TCEA1: variants seen among roughly 807,000 people sequenced by gnomAD.
TCEA1 encodes the protein transcription elongation factor A1.
In TCEA1, 21 loss-of-function variants were observed where a neutral mutation model predicts 43.8. The observed-to-expected ratio is 0.48, with a 90% confidence interval of 0.34 to 0.69. The LOEUF (loss-of-function observed/expected upper bound fraction) is 0.69, where lower values mean the gene tolerates loss of function less well. Among genes scored for constraint, TCEA1 ranks in the 30% least tolerant of loss-of-function variants. The pLI, the probability that TCEA1 is intolerant of heterozygous loss-of-function variation, is 0.01. For missense variants in TCEA1, 250 were observed against 365.1 expected, an observed-to-expected ratio of 0.68 and a Z score of 2.57; for synonymous variants, 104 against 117.5, an observed-to-expected ratio of 0.88 and a Z score of 0.75.
chr8:53,986,464 T>C (rs1003293741), intron 6 of TCEA1, among the ~76,000 whole-genome samples: 5 of 152,240 alleles, frequency 3.3e-5, no homozygotes, highest in Admixed American at 2.6e-4. Context: ...TGGACACTCA[T>C]GTTTTGCTAG....
intron 4 of TCEA1, chr8:53,993,460 C>A (rs1378975436): frequency 2.1e-5 from 9 of 424,194 alleles, no homozygotes; most frequent in Non-Finnish European, 3.7e-5. Context: ...TAAATAACTT[C>A]TTATTTATTC....
intron 8 of TCEA1, among the ~76,000 whole-genome samples, chr8:53,977,784 C>T (rs184143562): frequency 2.1e-4 from 32 of 152,182 alleles, no homozygotes; most frequent in East Asian, 1.4e-3. Flanking sequence ...AATAAAAAGG[C>T]TAGTCATATC....
chr8:53,989,940 T>A (rs1194281397), intron 4 of TCEA1, among the ~76,000 whole-genome samples: 1 of 152,102 alleles, frequency 6.6e-6, no homozygotes, highest in Non-Finnish European at 1.5e-5. Flanking sequence ...CAGTTAATTT[T>A]AAAAATATTT....
chr8:54,005,410 C>T (rs1158616548), intron 2 of TCEA1, among the ~76,000 whole-genome samples: 2 of 152,166 alleles, frequency 1.3e-5, no homozygotes, highest in African/African-American at 2.4e-5. Context: ...GGAGGACATA[C>T]TCAACTACCT....
At chr8:54,003,274 T>TTAAGC (rs1434731020) in intron 2 of TCEA1, among the ~76,000 whole-genome samples, 1 of 152,230 alleles carries the variant, frequency 6.6e-6, no homozygotes, top group Non-Finnish European at 1.5e-5. Context: ...GACTTAAATG[T>TTAAGC]TAAGACTGCA....
At chr8:54,014,399 CA>C (rs1408808223) in intron 1 of TCEA1, among the ~76,000 whole-genome samples, 2 of 152,032 alleles carry the variant, frequency 1.3e-5, no homozygotes, top group Non-Finnish European at 2.9e-5. Context: ...CACTTGAGCC[CA>C]GGGGTTCGAG....
At chr8:53,982,333 C>T (rs548850697) in intron 7 of TCEA1, among the ~76,000 whole-genome samples, 42 of 152,204 alleles carry the variant, frequency 2.8e-4, no homozygotes, top group African/African-American at 9.6e-4. Flanking sequence ...AGGGGCCAGG[C>T]ACGGTGGCTC....
intron 4 of TCEA1, among the ~76,000 whole-genome samples, chr8:53,992,874 T>C (rs892475824): frequency 6.6e-6 from 1 of 151,916 alleles, no homozygotes; most frequent in Non-Finnish European, 1.5e-5. Context: ...AAAGAACACA[T>C]GCAAAGGCCT....
At chr8:54,002,723 C>T (rs767737299) in intron 2 of TCEA1, among the ~76,000 whole-genome samples, 3 of 152,154 alleles carry the variant, frequency 2.0e-5, no homozygotes, top group African/African-American at 4.8e-5. Context: ...CGAAAGTATT[C>T]TGTGCTCAAG....
chr8:53,994,586 C>T (rs528767962), intron 3 of TCEA1, among the ~76,000 whole-genome samples: 2 of 151,888 alleles, frequency 1.3e-5, no homozygotes, highest in African/African-American at 2.4e-5. Context: ...CTTAAAGAGG[C>T]GGCCAGGCAC....
chr8:54,018,199 G>A lies in TCEA1; in HGVS notation c.63+3864C>T, dbSNP rs765983162. On this transcript the variant is annotated intron_variant, in intron 1 of 9. Coordinates refer to ENST00000521604, the MANE Select transcript of TCEA1 (RefSeq NM_006756.4). ...ATATTTCAGGTATCCCAGCTCCTACGAAATTCTAACATCTAATTTCAATTT... is the reference window on the plus strand; with the variant it reads ...ATATTTCAGGTATCCCAGCTCCTACAAAATTCTAACATCTAATTTCAATTT... 5.3e-5 allele frequency among the ~76,000 whole-genome samples: 8 copies of A among 152,180 alleles called. No individual in the cohort carries two copies. In the East Asian group the frequency reaches 1.3e-3, roughly 26 times the overall value.
At position 53,998,956 on chromosome 8, in the gene TCEA1, A is replaced by C. The variant is rs191092263; in HGVS notation, c.232+989T>G. Among the ~76,000 whole-genome samples, 69 of 152,128 alleles carry C rather than the reference A, an allele frequency of 4.5e-4. 2 individuals are homozygous for C. In the South Asian group the frequency reaches 8.7e-3, roughly 19 times the overall value. On this transcript the variant is annotated intron_variant, in intron 3 of 9. Coordinates refer to ENST00000521604, the MANE Select transcript of TCEA1 (RefSeq NM_006756.4). ...AAAACTAGCTATGTGAGGCCAGGCG[A>C]GGTGGCTCACGCCTGTAATCCCAGC...
intron 1 of TCEA1, among the ~76,000 whole-genome samples, chr8:54,019,070 A>G (rs1022288662): frequency 2.0e-5 from 3 of 152,228 alleles, no homozygotes; most frequent in African/African-American, 4.8e-5. Flanking sequence ...TAAATGGGAT[A>G]AGGTGGGTAA....
chr8:54,014,407 C>G (rs534267794), intron 1 of TCEA1, among the ~76,000 whole-genome samples: 1 of 151,866 alleles, frequency 6.6e-6, no homozygotes, highest in Non-Finnish European at 1.5e-5. Flanking sequence ...CCCAGGGGTT[C>G]GAGACCAGCC....
At chr8:53,973,151 A>C (rs771020350) in intron 8 of TCEA1, 9 of 551,836 alleles carry the variant, frequency 1.6e-5, no homozygotes, top group Non-Finnish European at 3.0e-5. Flanking sequence ...ATGTAGAAGA[A>C]GATGGGAAAA....
At chr8:54,015,557 T>C (rs1408837123) in intron 1 of TCEA1, among the ~76,000 whole-genome samples, 2 of 152,178 alleles carry the variant, frequency 1.3e-5, no homozygotes, top group African/African-American at 4.8e-5. Flanking sequence ...GATATTACTA[T>C]GTCATCTCAA....
intron 1 of TCEA1, among the ~76,000 whole-genome samples, chr8:54,019,098 T>C (rs1367617909): frequency 6.6e-6 from 1 of 152,214 alleles, no homozygotes; most frequent in Non-Finnish European, 1.5e-5. Flanking sequence ...GCAGAATACC[T>C]GGCTCAGAGT....
intron 2 of TCEA1, 55 bp from the exon 3 acceptor site, chr8:54,000,105 G>T: frequency 9.8e-7 from 1 of 1,017,434 alleles, no homozygotes; most frequent in Non-Finnish European, 1.4e-6. Context: ...AAACAAATTA[G>T]TATTTCACCT....
chr8:53,988,969 T>C (rs1253466324), intron 4 of TCEA1, among the ~76,000 whole-genome samples: 1 of 151,670 alleles, frequency 6.6e-6, no homozygotes, highest in Non-Finnish European at 1.5e-5. Context: ...CTTGGGAGGC[T>C]GAGGCAGGAA....
Sources: allele counts gnomAD v4.1 joint callset (sites outside exome capture counted in the v4.1 genomes callset), GRCh38; gene constraint gnomAD v4.1.1; transcripts MANE v1.5; gene names NCBI Gene and HGNC (gene_info 2026-07-23, HGNC 2026-07-21).